The following ATP2C2 variants were observed in gnomAD, a reference collection of about 807,000 sequenced individuals.
ATP2C2 encodes ATPase secretory pathway Ca2+ transporting 2, also known as calcium-transporting ATPase type 2C member 2.
ATP2C2 carries 171 observed loss-of-function variants against 110.8 expected under a neutral mutation model. The ratio of observed to expected loss-of-function variants is 1.54; its 90% CI spans 1.36 to 1.75. ATP2C2 has a LOEUF of 1.75. Ranked by LOEUF, ATP2C2 falls within the 40% of genes most tolerant of loss-of-function variation. The pLI, the probability that ATP2C2 is intolerant of heterozygous loss-of-function variation, is 0.00. For synonymous variants in ATP2C2, 804 were observed against 508.4 expected (o/e 1.58, Z -7.82); for missense variants, 1,963 against 1,235.0 (o/e 1.59, Z -8.84).
chr16:84,462,218 G>C (rs1402397340), intron 26 of ATP2C2, 89 bp downstream of exon 26: 16 of 1,528,284 alleles, frequency 1.0e-5, no homozygotes, highest in Non-Finnish European at 1.4e-5. Flanking sequence ...GCCCAGGAGG[G>C]GTCAGTGCGG....
chr16:84,382,276 G>C (rs1374233448), intron 1 of ATP2C2, among the ~76,000 whole-genome samples: 1 of 152,134 alleles, frequency 6.6e-6, no homozygotes, highest in Non-Finnish European at 1.5e-5. Flanking sequence ...GAGAATGATG[G>C]TTTCCAGCTT....
chr16:84,410,025 G>A (rs1906135192), intron 4 of ATP2C2, among the ~76,000 whole-genome samples: 1 of 152,056 alleles, frequency 6.6e-6, no homozygotes, highest in Non-Finnish European at 1.5e-5. Flanking sequence ...TGGCCCACAT[G>A]GTGAAAGCCC....
chr16:84,463,183 CGCTGGG>C lies in ATP2C2; in HGVS notation c.2723-430_2723-425del, dbSNP rs1567471047. 6.6e-4 allele frequency among the ~76,000 whole-genome samples: 11 copies of C among 16,696 alleles called. No individual in the cohort carries two copies. The East Asian group carries it at 0.053, about 80-fold the overall frequency. The allele number at this position is 16,696 out of a possible 152,430, so 11.0% of individuals were successfully genotyped here. On this transcript the variant is annotated intron_variant, in intron 26 of 26. Transcript: ENST00000262429. ...AGCATGTGACAGGAGCAGAGGGAGA[CGCTGGG>C]AATTCATCCCAGGGAACATGTCGCT...
chr16:84,458,808 T>C lies in ATP2C2; in HGVS notation c.2148-312T>C, dbSNP rs145236963. ...GGAGATGCACGGCGCACTTCGGGAG[T>C]CTGGGCAGGGATGGGGCCCCCTGGG... is the stretch of plus-strand genomic sequence containing the variant. On this transcript the variant is annotated intron_variant, in intron 21 of 26. Coordinates refer to ENST00000262429, the MANE Select transcript of ATP2C2 (RefSeq NM_014861.4). Among the ~76,000 whole-genome samples, 154 of 152,134 alleles carry C rather than the reference T, an allele frequency of 1.0e-3. 1 individual carries two copies. In the East Asian group the frequency reaches 0.026, roughly 26 times the overall value.
rs183595357 is a variant in ATP2C2 at position 84,369,681 on chromosome 16, C to G, written c.99+967C>G. Among the ~76,000 whole-genome samples the G allele has an allele frequency of 6.8e-3, 1,040 of 152,270 alleles. 8 individuals are homozygous for G. The highest frequency in any genetic ancestry group is 0.022 in the South Asian group (108 of 4,830). ...AGAAATTAGCTGAAAAAATATTTGA[C>G]TTAAAATTTTATTTTTTTCTCCCAA... On this transcript the variant is annotated intron_variant, in intron 1 of 26. Transcript: ENST00000262429.
chr16:84,461,108 G>A lies in ATP2C2; in HGVS notation c.2481+307G>A, dbSNP rs569823153. On this transcript the variant is annotated intron_variant, in intron 24 of 26. Transcript: ENST00000262429. Reference sequence around the variant, plus strand: ...CTGCCCCCTGTTCCCTTGTCACCAGGAAACAATTTGAAATCTGCTAAATAT... The same window carrying A: ...CTGCCCCCTGTTCCCTTGTCACCAGAAAACAATTTGAAATCTGCTAAATAT... 2.7e-5 allele frequency: 10 copies of A among 371,502 alleles called. No homozygotes were observed. The East Asian group carries it at 5.0e-4, about 19-fold the overall frequency. The allele number at this position is 371,502 out of a possible 1,614,324, so 23.0% of individuals were successfully genotyped here. A position where few individuals can be genotyped will look rare whatever the true frequency, so the allele number is the denominator to read the frequency against.
At chr16:84,389,824 A>C (rs1002955637) in intron 1 of ATP2C2, among the ~76,000 whole-genome samples, 2 of 150,320 alleles carry the variant, frequency 1.3e-5, no homozygotes. Flanking sequence ...GGGTCCAAGC[A>C]GTTCTCCTGC....
At chr16:84,418,004 G>A (rs948772898) in intron 7 of ATP2C2, among the ~76,000 whole-genome samples, 10 of 152,164 alleles carry the variant, frequency 6.6e-5, no homozygotes, top group African/African-American at 1.9e-4. Flanking sequence ...CAGTATATGG[G>A]GGTCCCAGAA....
chr16:84,440,775 C>A, intron 13 of ATP2C2, 82 bp from the exon 14 acceptor site: 3 of 1,024,872 alleles, frequency 2.9e-6, no homozygotes, highest in East Asian at 2.4e-5. Context: ...TGGAATGGAT[C>A]CCCAGGACAG....
At chr16:84,452,939 C>T (rs1325900368) in intron 18 of ATP2C2, among the ~76,000 whole-genome samples, 199 bp from the exon 19 acceptor site, 1 of 152,314 alleles carries the variant, frequency 6.6e-6, no homozygotes, top group South Asian at 2.1e-4. Flanking sequence ...GTTTCCCCAT[C>T]TTTAAAGTGG....
chr16:84,412,765 T>C (rs1906489823), intron 6 of ATP2C2, among the ~76,000 whole-genome samples: 2 of 151,986 alleles, frequency 1.3e-5, no homozygotes, highest in African/African-American at 4.8e-5. Context: ...TGATCTGTCT[T>C]TCCCGAACAT....
At chr16:84,424,071 G>C (rs376777442) in intron 10 of ATP2C2, among the ~76,000 whole-genome samples, 3 of 152,114 alleles carry the variant, frequency 2.0e-5, no homozygotes, top group Non-Finnish European at 2.9e-5. Context: ...GTAAATATTT[G>C]TTGAGTAAAA....
At chr16:84,398,156 C>T (rs901001157) in intron 1 of ATP2C2, among the ~76,000 whole-genome samples, 1 of 151,912 alleles carries the variant, frequency 6.6e-6, no homozygotes, top group Non-Finnish European at 1.5e-5. Flanking sequence ...AATCCCAGCA[C>T]TTTGGGAGGC....
At chr16:84,410,645 GA>G in intron 5 of ATP2C2, 42 bp downstream of exon 5, 1 of 1,613,928 alleles carries the variant, frequency 6.2e-7, no homozygotes, top group Non-Finnish European at 8.5e-7. Context: ...AGCTGGGCGG[GA>G]CAGGAGCTTC....
intron 1 of ATP2C2, among the ~76,000 whole-genome samples, chr16:84,388,089 T>C (rs1478034271): frequency 6.6e-6 from 1 of 152,066 alleles, no homozygotes; most frequent in African/African-American, 2.4e-5. Context: ...CCCAGCACTT[T>C]GGGAGGCCGA....
intron 11 of ATP2C2, among the ~76,000 whole-genome samples, chr16:84,436,491 G>GGT (rs2150562607): frequency 6.6e-6 from 1 of 152,334 alleles, no homozygotes; most frequent in Non-Finnish European, 1.5e-5. Context: ...GTGGGTTGCA[G>GGT]GTGTGGTGAG....
intron 21 of ATP2C2, among the ~76,000 whole-genome samples, chr16:84,458,915 C>G (rs1180270073): frequency 6.6e-6 from 1 of 152,172 alleles, no homozygotes; most frequent in Non-Finnish European, 1.5e-5. Context: ...GCTCAAGGAT[C>G]AGTTCCCAGT....
chr16:84,430,484 T>C (rs1908172357), intron 11 of ATP2C2, among the ~76,000 whole-genome samples: 1 of 151,870 alleles, frequency 6.6e-6, no homozygotes, highest in Non-Finnish European at 1.5e-5. Context: ...GTACTAAAAA[T>C]ACAAAAATCA....
chr16:84,428,976 T>C (rs1234798641), intron 11 of ATP2C2, among the ~76,000 whole-genome samples: 1 of 152,164 alleles, frequency 6.6e-6, no homozygotes, highest in African/African-American at 2.4e-5. Context: ...CCTGAATATA[T>C]GCCCAGGTTC....
Sources: allele counts gnomAD v4.1 joint callset (sites outside exome capture counted in the v4.1 genomes callset), GRCh38; gene constraint gnomAD v4.1.1; transcripts MANE v1.5; gene names NCBI Gene and HGNC (gene_info 2026-07-23, HGNC 2026-07-21).